Variants in SGCZ observed in about 807,000 individuals in gnomAD.
SGCZ encodes the protein zeta-sarcoglycan.
In SGCZ, 40 loss-of-function variants were observed where a neutral mutation model predicts 41.3. The ratio of observed to expected loss-of-function variants is 0.97; its 90% CI spans 0.75 to 1.26. The LOEUF (loss-of-function observed/expected upper bound fraction) is 1.26, where lower values mean the gene tolerates loss of function less well. SGCZ is among the 50% of genes most tolerant of loss of function. The pLI, the probability that SGCZ is intolerant of heterozygous loss-of-function variation, is 0.00. For missense variants in SGCZ, 552 were observed against 369.8 expected, an observed-to-expected ratio of 1.49 and a Z score of -4.04; for synonymous variants, 206 against 137.5, an observed-to-expected ratio of 1.50 and a Z score of -3.49.
At chr8:14,504,988 G>A (rs541679998) in intron 2 of SGCZ, among the ~76,000 whole-genome samples, 17 of 151,510 alleles carry the variant, frequency 1.1e-4, no homozygotes, top group Non-Finnish European at 2.2e-4. Flanking sequence ...TGCTTTTTTC[G>A]GTTTGTTGCA....
chr8:14,721,591 C>T (rs1809888988), intron 1 of SGCZ, among the ~76,000 whole-genome samples: 1 of 152,118 alleles, frequency 6.6e-6, no homozygotes, highest in South Asian at 2.1e-4. Context: ...CCACCTCTAC[C>T]ACTCACAGCC....
intron 5 of SGCZ, among the ~76,000 whole-genome samples, chr8:14,125,273 G>A (rs1019142617): frequency 6.7e-6 from 1 of 150,018 alleles, no homozygotes; most frequent in African/African-American, 2.5e-5. Flanking sequence ...CAAGGTCGAG[G>A]TGGGTGGTTC....
intron 1 of SGCZ, among the ~76,000 whole-genome samples, chr8:14,729,656 C>G (rs1810167398): frequency 7.3e-6 from 1 of 137,304 alleles, no homozygotes; most frequent in Non-Finnish European, 1.5e-5. Context: ...ATCAATCAAT[C>G]AATCAATCAA....
At chr8:14,780,872 G>A (rs971820826) in intron 1 of SGCZ, among the ~76,000 whole-genome samples, 9 of 151,738 alleles carry the variant, frequency 5.9e-5, no homozygotes, top group African/African-American at 2.2e-4. Context: ...CAGCACACTT[G>A]GAAAAAGAAA....
At chr8:14,720,397 T>A (rs187514921) in intron 1 of SGCZ, among the ~76,000 whole-genome samples, 1 of 152,252 alleles carries the variant, frequency 6.6e-6, no homozygotes, top group Non-Finnish European at 1.5e-5. Flanking sequence ...AGAGAATAAC[T>A]ACTGTAAACA....
rs182747282 is a variant in SGCZ at position 14,834,019 on chromosome 8, T to A, written c.40-279093A>T. Among the ~76,000 whole-genome samples, 354 of 152,254 alleles carry A rather than the reference T, an allele frequency of 2.3e-3. 2 individuals carry two copies. The highest frequency in any genetic ancestry group is 8.1e-3 in the African/African-American group (338 of 41,560). On this transcript the variant is annotated intron_variant, in intron 1 of 7. Coordinates refer to ENST00000382080, the MANE Select transcript of SGCZ (RefSeq NM_139167.4). ...TCAATAATTCCTAAAATAGTATAAT[T>A]GTGTTCTATTTGGAAATAGGGCAAA...
chr8:14,495,953 C>G (rs1801975421), intron 2 of SGCZ, among the ~76,000 whole-genome samples: 1 of 152,006 alleles, frequency 6.6e-6, no homozygotes. Context: ...AAGAACAAGC[C>G]TGAAATGTAC....
At position 14,425,987 on chromosome 8, in the gene SGCZ, TA is replaced by T. The variant is rs1406798765; in HGVS notation, c.235-101784del. 4.6e-5 allele frequency among the ~76,000 whole-genome samples: 7 copies of T among 152,040 alleles called. No homozygotes were observed. In the South Asian group the frequency reaches 1.5e-3, roughly 32 times the overall value. On this transcript the variant is annotated intron_variant, in intron 2 of 7. Transcript: ENST00000382080. ...CACAATTTTAAAGCACTTATGTACC[TA>T]AATATTAATTAACATTAATTAACAT...
intron 2 of SGCZ, among the ~76,000 whole-genome samples, chr8:14,380,091 A>G (rs1463991775): frequency 6.6e-6 from 1 of 152,138 alleles, no homozygotes; most frequent in Non-Finnish European, 1.5e-5. Flanking sequence ...TTATCAGGGC[A>G]TTTATATTTT....
At position 15,200,408 on chromosome 8, in the gene SGCZ, G is replaced by C. The variant is rs115932616; in HGVS notation, c.39+37177C>G. Among the ~76,000 whole-genome samples, 314 of 152,258 alleles carry C rather than the reference G, an allele frequency of 2.1e-3. 4 individuals carry two copies. The highest frequency in any genetic ancestry group is 7.3e-3 in the African/African-American group (304 of 41,548). On this transcript the variant is annotated intron_variant, in intron 1 of 7. Transcript: ENST00000382080. ...TGGTACCTCCTGTAAGGTATCAGAA[G>C]ATGGCCTAGCTGTCCCACTGTGAAG...
At chr8:14,342,777 C>T (rs10087562) in intron 2 of SGCZ, among the ~76,000 whole-genome samples, 13 of 152,280 alleles carry the variant, frequency 8.5e-5, no homozygotes, top group East Asian at 3.9e-4. Context: ...AAATTCAAGC[C>T]GGCTGCAGAA....
intron 1 of SGCZ, among the ~76,000 whole-genome samples, chr8:15,078,402 C>T (rs1805622227): frequency 6.6e-6 from 1 of 151,790 alleles, no homozygotes; most frequent in Non-Finnish European, 1.5e-5. Flanking sequence ...TTTGAATGTA[C>T]TCTCTATCTC....
chr8:14,799,218 G>T (rs1341267833), intron 1 of SGCZ, among the ~76,000 whole-genome samples: 1 of 152,014 alleles, frequency 6.6e-6, no homozygotes, highest in Non-Finnish European at 1.5e-5. Flanking sequence ...CTTCATCATA[G>T]TAATTTAAAA....
At chr8:14,497,764 C>T (rs141246741) in intron 2 of SGCZ, among the ~76,000 whole-genome samples, 11 of 152,216 alleles carry the variant, frequency 7.2e-5, no homozygotes, top group African/African-American at 2.6e-4. Context: ...CTGGGTCCCA[C>T]CACCAACATT....
chr8:14,987,178 T>G (rs1420816712), intron 1 of SGCZ, among the ~76,000 whole-genome samples: 1 of 151,886 alleles, frequency 6.6e-6, no homozygotes, highest in African/African-American at 2.4e-5. Flanking sequence ...AGTTATCTTT[T>G]TGCATATTTA....
At chr8:14,120,865 G>C (rs1275992287) in intron 5 of SGCZ, among the ~76,000 whole-genome samples, 2 of 151,958 alleles carry the variant, frequency 1.3e-5, no homozygotes, top group Non-Finnish European at 2.9e-5. Context: ...CAAAAACTTT[G>C]AATAAATTTA....
At chr8:14,092,202 G>C (rs1801708165) in intron 7 of SGCZ, among the ~76,000 whole-genome samples, 1 of 152,058 alleles carries the variant, frequency 6.6e-6, no homozygotes, top group Non-Finnish European at 1.5e-5. Context: ...CCAGGACTAT[G>C]CTGTTTTGGT....
At chr8:14,517,540 G>T (rs1369905566) in intron 2 of SGCZ, among the ~76,000 whole-genome samples, 3 of 151,992 alleles carry the variant, frequency 2.0e-5, no homozygotes, top group Admixed American at 6.6e-5. Context: ...ATCTATGTTT[G>T]CAAGAATGTG....
At chr8:14,813,927 T>G (rs1202036630) in intron 1 of SGCZ, among the ~76,000 whole-genome samples, 4 of 152,114 alleles carry the variant, frequency 2.6e-5, no homozygotes, top group African/African-American at 9.7e-5. Context: ...CACTCCAGCC[T>G]GGGCAACAGA....
Sources: gnomAD v4.1 joint callset for allele counts (sites outside exome capture counted in the v4.1 genomes callset) on GRCh38, gnomAD v4.1.1 for gene constraint, MANE v1.5 for transcripts, NCBI Gene and HGNC (gene_info 2026-07-23, HGNC 2026-07-21) for gene names.